The following CTSZ variants were observed in gnomAD, a reference collection of about 807,000 sequenced individuals.
CTSZ encodes the protein cathepsin Z.
CTSZ carries 39 observed loss-of-function variants against 32.4 expected under a neutral mutation model. The observed-to-expected ratio is 1.20, with a 90% CI of 0.93 to 1.57. The LOEUF is 1.57. Ranked by LOEUF, CTSZ falls within the 40% of genes most tolerant of loss-of-function variation. The pLI is 0.00. For missense variants in CTSZ, 397 were observed against 419.6 expected (o/e 0.95, Z 0.47); for synonymous variants, 168 against 170.1 (o/e 0.99, Z 0.10).
At chr20:58,998,552 A>AAAAAAAAAAAGAAAG (rs368429073) in intron 3 of CTSZ, among the ~76,000 whole-genome samples, 9 of 145,350 alleles carry the variant, frequency 6.2e-5, no homozygotes, top group African/African-American at 2.3e-4. Context: ...GTCTCAAAAA[A>AAAAAAAAAAAGAAAG]AAAGAAAGAA....
intron 4 of CTSZ, 87 bp downstream of exon 4, chr20:58,997,516 A>C: frequency 1.0e-5 from 13 of 1,301,838 alleles, no homozygotes; most frequent in East Asian, 2.7e-5. Flanking sequence ...GTCACCGCGG[A>C]TCTCTCCTCA....
At chr20:59,001,675 TCACCCACTCTC>T (rs1242212042) in intron 2 of CTSZ, 31 bp from the exon 3 acceptor site, 4 of 1,599,482 alleles carry the variant, frequency 2.5e-6, no homozygotes, top group African/African-American at 2.7e-5. Flanking sequence ...CAGTCAGCAC[TCACCCACTCTC>T]CACCCACTTC....
intron 3 of CTSZ, 97 bp downstream of exon 3, chr20:59,001,366 TGA>T: frequency 7.4e-7 from 1 of 1,356,906 alleles, no homozygotes; most frequent in South Asian, 1.5e-5. Context: ...CCAGCCAATG[TGA>T]GGAGCACGGG....
intron 5 of CTSZ, 88 bp from the exon 6 acceptor site, chr20:58,995,847 C>T (rs1274658734): frequency 5.0e-6 from 6 of 1,191,866 alleles, no homozygotes; most frequent in African/African-American, 1.5e-5. Flanking sequence ...CTGCTTTCTG[C>T]CTCCATCTCT....
intron 3 of CTSZ, among the ~76,000 whole-genome samples, chr20:58,998,832 C>T (rs937543692): frequency 3.9e-5 from 6 of 152,234 alleles, no homozygotes; most frequent in Non-Finnish European, 7.3e-5. Flanking sequence ...TGCTTTGGCG[C>T]GACCTGTCTG....
intron 3 of CTSZ, among the ~76,000 whole-genome samples, chr20:58,998,052 A>G (rs1297968008): frequency 2.0e-5 from 3 of 152,178 alleles, no homozygotes; most frequent in Non-Finnish European, 4.4e-5. Flanking sequence ...ACCTTTCCAC[A>G]ATACTTTCTA....
rs2091912592 is a variant in CTSZ at position 59,007,139 on chromosome 20, C to G, written c.-11G>C. 2 of 1,350,874 alleles carry G rather than the reference C, an allele frequency of 1.5e-6. No homozygotes were observed. Among genetic ancestry groups the G allele is most frequent in the East Asian group, 6.3e-5 (2 of 31,610 alleles). 83.7% of individuals were successfully genotyped at this position (1,350,874 alleles called of 1,614,324 possible). ...CCCGCGCCTCGCCATGGCCCCGCGC[C>G]GGCTCCTGGGTCCCGCTCCGGATCC... On this transcript the variant is annotated 5_prime_UTR_variant, in exon 1 of 6. Coordinates refer to ENST00000217131, the MANE Select transcript of CTSZ (RefSeq NM_001336.4).
intron 3 of CTSZ, among the ~76,000 whole-genome samples, chr20:58,998,168 G>A (rs1246613689): frequency 6.6e-6 from 1 of 151,924 alleles, no homozygotes; most frequent in Non-Finnish European, 1.5e-5. Context: ...CCACAAAAAA[G>A]CATTTTCTTC....
At chr20:58,995,921 G>C (rs1429217653) in intron 5 of CTSZ, among the ~76,000 whole-genome samples, 162 bp from the exon 6 acceptor site, 2 of 152,112 alleles carry the variant, frequency 1.3e-5, no homozygotes, top group African/African-American at 4.8e-5. Context: ...CATGACCCCT[G>C]TTCTGAAATA....
rs1256593150 is a variant in CTSZ, at chr20:59,006,494, A to G, written c.144-9T>C. On this transcript the variant is annotated splice_polypyrimidine_tract_variant and intron_variant, in intron 1 of 5. Transcript: ENST00000217131. ...GAGGCCGGGGGTATGTGCTGAGAAG[A>G]GATCATCCCCACCCAGATCGGTGCT... 1 of 1,607,718 alleles carries G rather than the reference A, an allele frequency of 6.2e-7. No homozygotes were observed. Among genetic ancestry groups the G allele is most frequent in the Non-Finnish European group, 8.5e-7 (1 of 1,177,652 alleles).
chr20:58,997,226 A>G (rs1162111791), intron 4 of CTSZ, among the ~76,000 whole-genome samples: 1 of 151,602 alleles, frequency 6.6e-6, no homozygotes, highest in Non-Finnish European at 1.5e-5. Context: ...CAGGTAGTGT[A>G]TATCTGACGG....
In CTSZ at chr20:59,007,008, C is replaced by A. The variant is rs1455674057; in HGVS notation, c.121G>T (p.Gly41Trp). The change falls in exon 1 of 6, where the codon GGG becomes TGG. Residue 41 changes from glycine (G) to tryptophan (W), a missense_variant. Gly to Trp is a radical substitution (Grantham distance 184). Coordinates refer to ENST00000217131, the MANE Select transcript of CTSZ (RefSeq NM_001336.4). ...CACCTGCGCCCCAGCGGAGCCAGCC[C>A]GTCCCCCCGCAGAGGCCGGTAGCAG... ...QTCYRPLRGDGLAPLGRSTYP... is the reference protein window; with the variant it reads ...QTCYRPLRGDWLAPLGRSTYP... 2 of 1,469,846 alleles carry A rather than the reference C, an allele frequency of 1.4e-6. No individual in the cohort carries two copies. Among genetic ancestry groups the A allele is most frequent in the Non-Finnish European group, 1.8e-6 (2 of 1,117,966 alleles). 91.1% of individuals were successfully genotyped at this position (1,469,846 alleles called of 1,614,324 possible). A position where few individuals can be genotyped will look rare whatever the true frequency, so the allele number is the denominator to read the frequency against.
chr20:58,999,024 T>G (rs572933701), intron 3 of CTSZ, among the ~76,000 whole-genome samples: 196 of 152,216 alleles, frequency 1.3e-3, no homozygotes, highest in African/African-American at 4.3e-3. Context: ...CAATCAGGTT[T>G]TTTTATTCTT....
chr20:59,004,630 C>T lies in CTSZ; in HGVS notation c.307+1692G>A, dbSNP rs139438122. ...GAGAGCTTCCCTGAGTGGGAAGGGACGGGCTCAGTGAGGGGACAAGACAGT... is the reference window on the plus strand; with the variant it reads ...GAGAGCTTCCCTGAGTGGGAAGGGATGGGCTCAGTGAGGGGACAAGACAGT... On this transcript the variant is annotated intron_variant, in intron 2 of 5. Coordinates refer to ENST00000217131, the MANE Select transcript of CTSZ (RefSeq NM_001336.4). The surrounding 1 kb of genome is among the most constrained non-coding windows in gnomAD (Gnocchi z 5.6). Among the ~76,000 whole-genome samples the T allele has an allele frequency of 2.4e-4, 37 of 151,914 alleles. No homozygotes were observed. Among genetic ancestry groups the T allele is most frequent in the African/African-American group, 7.7e-4 (32 of 41,424 alleles).
At chr20:58,996,431 C>G (rs1400381852) in intron 5 of CTSZ, among the ~76,000 whole-genome samples, 2 of 152,168 alleles carry the variant, frequency 1.3e-5, no homozygotes. Context: ...CTGCTGAACA[C>G]CCAAAGTGCA....
chr20:59,005,921 GC>G (rs1339947488), intron 2 of CTSZ: 15 of 185,094 alleles, frequency 8.1e-5, no homozygotes, highest in Admixed American at 1.7e-4. Flanking sequence ...TAGCCAACTA[GC>G]CTCACCCAAT....
chr20:59,005,218 G>C (rs577521297), intron 2 of CTSZ, among the ~76,000 whole-genome samples: 38 of 152,238 alleles, frequency 2.5e-4, no homozygotes, highest in Admixed American at 7.2e-4. Context: ...AGCCCCCGGG[G>C]GAGACGCCAC....
intron 1 of CTSZ, 24 bp from the exon 2 acceptor site, chr20:59,006,509 A>C: frequency 6.3e-7 from 1 of 1,597,608 alleles, no homozygotes; most frequent in Non-Finnish European, 8.5e-7. Flanking sequence ...ATCCCCACCC[A>C]GATCGGTGCT....
At chr20:59,003,515 T>C (rs146251647) in intron 2 of CTSZ, among the ~76,000 whole-genome samples, 220 of 152,330 alleles carry the variant, frequency 1.4e-3, no homozygotes, top group African/African-American at 4.8e-3. Flanking sequence ...TTTCCACTCA[T>C]GGTGTTTTCA....
Sources: gnomAD v4.1 joint callset for allele counts (sites outside exome capture counted in the v4.1 genomes callset) on GRCh38, gnomAD v4.1.1 for gene constraint, Gnocchi (gnomAD v3.1) non-coding constraint, MANE v1.5 for transcripts, NCBI Gene and HGNC (gene_info 2026-07-23, HGNC 2026-07-21) for gene names.